The following THRB variants were observed in gnomAD, a reference collection of about 807,000 sequenced individuals.
THRB encodes the protein thyroid hormone receptor beta, also known as nuclear receptor subfamily 1 group A member 2.
A neutral mutation model predicts 47.8 loss-of-function variants in THRB; 12 were observed. The ratio of observed to expected loss-of-function variants is 0.25; its 90% CI spans 0.16 to 0.41. The LOEUF (loss-of-function observed/expected upper bound fraction) is 0.41. THRB is among the 10% of genes least tolerant of loss of function. THRB has a pLI of 1.00. For missense variants in THRB, 348 were observed against 589.2 expected, an observed-to-expected ratio of 0.59 and a Z score of 4.24; for synonymous variants, 218 against 212.2, an observed-to-expected ratio of 1.03 and a Z score of -0.24.
intron 1 of THRB, among the ~76,000 whole-genome samples, chr3:24,354,535 T>G (rs2063551294): frequency 6.6e-6 from 1 of 152,104 alleles, no homozygotes; most frequent in African/African-American, 2.4e-5. Context: ...CATCTTAGAG[T>G]GTCTGCCAAT....
chr3:24,239,004 T>C (rs545144884), intron 3 of THRB, among the ~76,000 whole-genome samples: 50 of 151,662 alleles, frequency 3.3e-4, no homozygotes, highest in African/African-American at 1.2e-3. Context: ...TGCAGTGGCA[T>C]GATCTCAGCT....
intron 1 of THRB, among the ~76,000 whole-genome samples, chr3:24,437,072 CAT>C (rs1336916924): frequency 6.7e-6 from 1 of 148,326 alleles, no homozygotes; most frequent in African/African-American, 2.5e-5. Context: ...ATATATATAT[CAT>C]ATATATATCA....
At chr3:24,413,122 A>G (rs1200857114) in intron 1 of THRB, among the ~76,000 whole-genome samples, 2 of 151,908 alleles carry the variant, frequency 1.3e-5, no homozygotes, top group Non-Finnish European at 2.9e-5. Flanking sequence ...ATATGGAAGA[A>G]CAGCTTTATA....
At chr3:24,430,618 T>G (rs2070289852) in intron 1 of THRB, 1 of 151,920 alleles carries the variant, frequency 6.6e-6, no homozygotes, top group Non-Finnish European at 1.5e-5. Context: ...AAAAAGACAT[T>G]TAAGTACTAA....
At chr3:24,211,992 G>A (rs749391728) in intron 4 of THRB, among the ~76,000 whole-genome samples, 27 of 152,226 alleles carry the variant, frequency 1.8e-4, no homozygotes, top group Non-Finnish European at 2.9e-4. Context: ...GGCTGGGCAC[G>A]GTGGTTCACG....
chr3:24,407,321 G>A lies in THRB; in HGVS notation c.-260-69950C>T, dbSNP rs945014101. Among the ~76,000 whole-genome samples, 4 of 147,852 alleles carry A rather than the reference G, an allele frequency of 2.7e-5. No homozygotes were observed. In the Admixed American group the frequency reaches 2.7e-4, roughly 10 times the overall value. On this transcript the variant is annotated intron_variant, in intron 1 of 10. Coordinates refer to ENST00000646209, the MANE Select transcript of THRB (RefSeq NM_001354712.2). ...CTGATCCTGGGAAAGGTTGTGGGAG[G>A]TGCCTAGATCCACAGATTGCAAACA...
intron 4 of THRB, among the ~76,000 whole-genome samples, chr3:24,212,860 C>T (rs1210455246): frequency 6.6e-6 from 1 of 152,108 alleles, no homozygotes; most frequent in Non-Finnish European, 1.5e-5. Context: ...CTAATTTGTC[C>T]TCAAGATTAA....
At chr3:24,408,646 C>T (rs563801422) in intron 1 of THRB, among the ~76,000 whole-genome samples, 1 of 151,736 alleles carries the variant, frequency 6.6e-6, no homozygotes, top group Non-Finnish European at 1.5e-5. Context: ...TGATTAGATG[C>T]ATTAAGAAAT....
intron 10 of THRB, among the ~76,000 whole-genome samples, chr3:24,124,864 A>ATGTCT (rs1181326750): frequency 6.6e-6 from 1 of 152,184 alleles, no homozygotes; most frequent in Non-Finnish European, 1.5e-5. Flanking sequence ...CAAATGCACA[A>ATGTCT]TGTCTTGTAA....
At chr3:24,495,050 C>T (rs73152119), upstream of THRB, 29,071 of 152,198 alleles carry the variant, frequency 0.19, 3,354 homozygotes, top group African/African-American at 0.31. Context: ...GAAGCTACTG[C>T]GGCTGGGGCA....
At chr3:24,349,353 A>G (rs1160636415) in intron 1 of THRB, among the ~76,000 whole-genome samples, 1 of 152,058 alleles carries the variant, frequency 6.6e-6, no homozygotes, top group African/African-American at 2.4e-5. Context: ...GAAATTAGTA[A>G]ACTAATTCTA....
In THRB at chr3:24,259,782, G is replaced by C. The variant is rs192733322; in HGVS notation, c.-42-30781C>G. On this transcript the variant is annotated intron_variant, in intron 3 of 10. Coordinates refer to ENST00000646209, the MANE Select transcript of THRB (RefSeq NM_001354712.2). ...TTAAAGATAGGTACAAAGAAATTCA[G>C]TTATAGATTTAAGTGATTTGGTTTA... is the stretch of plus-strand genomic sequence containing the variant. Among the ~76,000 whole-genome samples, 310 of 152,190 alleles carry C rather than the reference G, an allele frequency of 2.0e-3. 2 individuals carry two copies. The highest frequency in any genetic ancestry group is 7.2e-3 in the African/African-American group (298 of 41,518).
intron 3 of THRB, among the ~76,000 whole-genome samples, chr3:24,261,654 A>G (rs1014641229): frequency 2.6e-5 from 4 of 152,026 alleles, no homozygotes; most frequent in African/African-American, 4.8e-5. Context: ...AGTTTCTCCA[A>G]TCAGACTTAG....
rs121918697 is a variant in THRB, at chr3:24,127,631, G to A, written c.1012C>T (p.Arg338Trp). ...LTLNGEMAVTRGQLKNGGLGV... is the reference protein window; with the variant it reads ...LTLNGEMAVTWGQLKNGGLGV... ...AGACCCCCATTTTTCAGCTGGCCCCGTGTCACTGCCATTTCCCCATTCAAG... is the reference window on the plus strand; with the variant it reads ...AGACCCCCATTTTTCAGCTGGCCCCATGTCACTGCCATTTCCCCATTCAAG... The change falls in exon 10 of 11, where the codon CGG becomes TGG. Residue 338 changes from arginine to tryptophan, a missense_variant. By Grantham distance (101) the Arg-to-Trp change is moderately radical. Around this residue, in one of 5 missense-constraint regions of THRB, gnomAD observed 45 missense variants for 156.2 expected, o/e 0.29. Coordinates refer to ENST00000646209, the MANE Select transcript of THRB (RefSeq NM_001354712.2). 1 of 1,614,142 alleles carries A rather than the reference G, an allele frequency of 6.2e-7. No individual in the cohort carries two copies.
In THRB at chr3:24,208,149, G is replaced by A. The variant is rs1458557700; in HGVS notation, c.23-17815C>T. Among the ~76,000 whole-genome samples, 6 of 151,828 alleles carry A rather than the reference G, an allele frequency of 4.0e-5. No homozygotes were observed. In the East Asian group the frequency reaches 9.6e-4, roughly 24 times the overall value. ...GAATCCAACTTACAAGGGATGTGAAGGACCTCTTCAGGGAGAACTACAAAC... is the reference window on the plus strand; with the variant it reads ...GAATCCAACTTACAAGGGATGTGAAAGACCTCTTCAGGGAGAACTACAAAC... On this transcript the variant is annotated intron_variant, in intron 4 of 10. Coordinates refer to ENST00000646209, the MANE Select transcript of THRB (RefSeq NM_001354712.2).
At chr3:24,345,874 A>G (rs560011810) in intron 1 of THRB, among the ~76,000 whole-genome samples, 1 of 152,248 alleles carries the variant, frequency 6.6e-6, no homozygotes, top group African/African-American at 2.4e-5. Flanking sequence ...TACATATGTC[A>G]TAATTTATCA....
At chr3:24,464,042 C>T (rs1349412344) in intron 1 of THRB, among the ~76,000 whole-genome samples, 3 of 152,062 alleles carry the variant, frequency 2.0e-5, no homozygotes, top group South Asian at 2.1e-4. Flanking sequence ...GTCAGGAGAT[C>T]GAAACCATCC....
At chr3:24,407,441 A>G (rs2067918836) in intron 1 of THRB, among the ~76,000 whole-genome samples, 1 of 151,856 alleles carries the variant, frequency 6.6e-6, no homozygotes, top group Non-Finnish European at 1.5e-5. Context: ...TACCAGACCT[A>G]CCAGCTGACA....
chr3:24,208,820 A>G (rs2045692563), intron 4 of THRB, among the ~76,000 whole-genome samples: 1 of 149,004 alleles, frequency 6.7e-6, no homozygotes, highest in Non-Finnish European at 1.5e-5. Flanking sequence ...CACCAAAAGC[A>G]ACAAAAGCCA....
Sources: allele counts gnomAD v4.1 joint callset (sites outside exome capture counted in the v4.1 genomes callset), GRCh38; gene constraint gnomAD v4.1.1; regional missense constraint gnomAD v4.1.1; transcripts MANE v1.5; gene names NCBI Gene and HGNC (gene_info 2026-07-23, HGNC 2026-07-21).